The following PI4KA variants were observed in gnomAD, a reference collection of about 807,000 sequenced individuals.
PI4KA encodes the protein phosphatidylinositol 4-kinase alpha, also known as PI4-kinase alpha.
A neutral mutation model predicts 271.4 loss-of-function variants in PI4KA; 122 were observed. That is an observed-to-expected ratio of 0.45 (90% CI 0.39 to 0.52). PI4KA has a LOEUF of 0.52. Ranked by LOEUF, PI4KA falls within the 20% of genes least tolerant of loss-of-function variation. The pLI is 0.00. For synonymous variants in PI4KA, 1,041 were observed against 1,078.8 expected, an observed-to-expected ratio of 0.96 and a Z score of 0.69; for missense variants, 1,969 against 2,769.1, an observed-to-expected ratio of 0.71 and a Z score of 6.48.
In PI4KA at chr22:20,802,159, C is replaced by T. The variant is rs1314061446; in HGVS notation, c.1592-54G>A. On this transcript the variant is annotated intron_variant, in intron 13 of 54. Coordinates refer to ENST00000255882, the MANE Select transcript of PI4KA (RefSeq NM_058004.4). ...TAGTTAGGCCTATCATTTTCCATCA[C>T]CTTCTTTGTAATTCAAAAACCAAGA... The T allele has an allele frequency of 5.9e-6, 9 of 1,536,794 alleles. No homozygotes were observed. The East Asian group carries it at 1.8e-4, about 31-fold the overall frequency.
intron 19 of PI4KA, chr22:20,779,794 C>T (rs930125664): frequency 1.1e-5 from 18 of 1,614,068 alleles, no homozygotes; most frequent in African/African-American, 2.7e-5. Flanking sequence ...ATTTCTACTG[C>T]GATGGGTATG....
chr22:20,797,749 G>A (rs1935067620), intron 17 of PI4KA, among the ~76,000 whole-genome samples: 1 of 151,970 alleles, frequency 6.6e-6, no homozygotes, highest in South Asian at 2.1e-4. Flanking sequence ...ACATGGCATG[G>A]CTCCACAGCT....
At chr22:20,834,679 T>C (rs375637728) in intron 2 of PI4KA, 24 bp from the exon 3 acceptor site, 10 of 1,433,720 alleles carry the variant, frequency 7.0e-6, no homozygotes, top group East Asian at 4.6e-5. Context: ...AGAAGAATAA[T>C]AAATTAGATT....
rs1444716583 is a variant in PI4KA, at chr22:20,725,454, AG to A, written c.4995+1033del. 6 of 404,538 alleles carry A rather than the reference AG, an allele frequency of 1.5e-5. No individual in the cohort carries two copies. In the Admixed American group the frequency reaches 1.5e-4, roughly 10 times the overall value. The allele number at this position is 404,538 out of a possible 1,614,324, so 25.1% of individuals were successfully genotyped here. A position where few individuals can be genotyped will look rare whatever the true frequency, so the allele number is the denominator to read the frequency against. On this transcript the variant is annotated intron_variant, in intron 42 of 54. Transcript: ENST00000255882. Reference sequence around the variant, plus strand: ...TCAGAATGGTACTGTATTTGGAGATAGGGTCTTTATAGAGATGATTAAGGTA... The same window carrying A: ...TCAGAATGGTACTGTATTTGGAGATAGGTCTTTATAGAGATGATTAAGGTA...
chr22:20,753,089 A>G (rs767447101), intron 24 of PI4KA, 21 bp downstream of exon 24: 1 of 1,614,170 alleles, frequency 6.2e-7, no homozygotes, highest in Non-Finnish European at 8.5e-7. Context: ...ACAGACACGC[A>G]TTCATGCTGG....
chr22:20,848,656 C>G lies in PI4KA; in HGVS notation c.156+9914G>C, dbSNP rs182301185. ...ACATGCAAAAGAATGAAACTGGACC[C>G]CCATCTCATATCACATAAAATCTTA... On this transcript the variant is annotated intron_variant, in intron 1 of 54. Coordinates refer to ENST00000255882, the MANE Select transcript of PI4KA (RefSeq NM_058004.4). Among the ~76,000 whole-genome samples, 116 of 152,192 alleles carry G rather than the reference C, an allele frequency of 7.6e-4. 3 individuals are homozygous for G. Among genetic ancestry groups the G allele is most frequent in the South Asian group, 7.0e-3 (34 of 4,824 alleles).
rs377407870 is a variant in PI4KA, at chr22:20,709,949, C to T, written c.6132G>A (p.Thr2044=). 8 of 1,613,466 alleles carry T rather than the reference C, an allele frequency of 5.0e-6. No homozygotes were observed. The highest frequency in any genetic ancestry group is 2.7e-5 in the African/African-American group (2 of 74,860). The change falls in exon 53 of 55, where the codon ACG becomes ACA. Residue 2044 remains threonine, a synonymous_variant. Transcript: ENST00000255882. ...TCTGGCCGCGAAAACAGGGCAGGCCCGTGTCCAACATGAGAGTGACCAGGG... is the reference window on the plus strand; with the variant it reads ...TCTGGCCGCGAAAACAGGGCAGGCCTGTGTCCAACATGAGAGTGACCAGGG... ...VVSLVTLMLD[T]GLPCFRGQTI...
At chr22:20,858,236 T>G (rs1219254114) in intron 1 of PI4KA, among the ~76,000 whole-genome samples, 1 of 152,088 alleles carries the variant, frequency 6.6e-6, no homozygotes, top group Admixed American at 6.6e-5. Context: ...ATCCCACTGC[T>G]CCGCACAGCC....
chr22:20,846,835 CAA>C (rs361933), intron 1 of PI4KA, among the ~76,000 whole-genome samples: 1,199 of 61,692 alleles, frequency 0.019, 7 homozygotes, highest in Non-Finnish European at 0.022. Context: ...AGTGCAGGCT[CAA>C]AAAAAAAAAA....
intron 1 of PI4KA, among the ~76,000 whole-genome samples, chr22:20,842,473 C>T (rs1037483869): frequency 2.0e-5 from 3 of 152,146 alleles, no homozygotes; most frequent in African/African-American, 7.2e-5. Context: ...AAACTCAAAG[C>T]CTACTGGACT....
chr22:20,710,921 T>G lies in PI4KA; in HGVS notation c.5924-63A>C, dbSNP rs1925190861. 4 of 1,595,428 alleles carry G rather than the reference T, an allele frequency of 2.5e-6. No individual in the cohort carries two copies. The South Asian group carries it at 4.4e-5, about 18-fold the overall frequency. On this transcript the variant is annotated intron_variant, in intron 51 of 54. Transcript: ENST00000255882. ...AGCCAGGGCGGGCAAGGACAAGTGG[T>G]CTGTTTTGAGGAGTGGAAAAGGACT...
chr22:20,750,295 G>A (rs905863602), intron 27 of PI4KA, among the ~76,000 whole-genome samples: 4 of 152,188 alleles, frequency 2.6e-5, no homozygotes, highest in African/African-American at 9.7e-5. Context: ...GGAAGAACAC[G>A]TAAAGACACA....
At chr22:20,740,258 T>A (rs1319403396) in intron 32 of PI4KA, among the ~76,000 whole-genome samples, 1 of 151,072 alleles carries the variant, frequency 6.6e-6, no homozygotes, top group African/African-American at 2.4e-5. Context: ...TGAACTGGTA[T>A]ACAGGTTAAA....
intron 19 of PI4KA, among the ~76,000 whole-genome samples, chr22:20,776,979 ATATC>A (rs920508262): frequency 6.6e-5 from 10 of 152,136 alleles, no homozygotes; most frequent in African/African-American, 2.4e-4. Flanking sequence ...TGGGCCTCAA[ATATC>A]TATCTAATAG....
chr22:20,806,822 C>G (rs1179304349), intron 10 of PI4KA, among the ~76,000 whole-genome samples: 1 of 151,904 alleles, frequency 6.6e-6, no homozygotes, highest in African/African-American at 2.4e-5. Context: ...CCTCCGCCTC[C>G]CAAGTTCAAG....
Position 20,841,168 on chromosome 22 carries a change from T to TC in PI4KA, c.157-2438dup, listed in dbSNP as rs199812472. 1.8e-3 allele frequency among the ~76,000 whole-genome samples: 267 copies of TC among 152,254 alleles called. 4 individuals carry two copies. The East Asian group carries it at 0.045, about 25-fold the overall frequency. On this transcript the variant is annotated intron_variant, in intron 1 of 54. Transcript: ENST00000255882. ...GCGCTGAGATTACAGGCATGAGCCA[T>TC]CGCACCCTGCCACCAAGGCTTTCTT...
At chr22:20,768,857 G>A (rs1932755614) in intron 19 of PI4KA, among the ~76,000 whole-genome samples, 1 of 152,200 alleles carries the variant, frequency 6.6e-6, no homozygotes, top group South Asian at 2.1e-4. Flanking sequence ...CACAGGATGT[G>A]GCCACAAAAG....
rs1424258673 is a variant in PI4KA, at chr22:20,824,353, G to A, written c.429C>T (p.Ala143=). Residue 143 remains alanine, a synonymous_variant, in exon 4 of 55, where the codon GCC becomes GCT. Coordinates refer to ENST00000255882, the MANE Select transcript of PI4KA (RefSeq NM_058004.4). Reference sequence around the variant, plus strand: ...CATCCCTAAGTGAAGGATCCCTATAGGCCACATCAGACAGCAGAGTTACCA... The same window carrying A: ...CATCCCTAAGTGAAGGATCCCTATAAGCCACATCAGACAGCAGAGTTACCA... ...FCLVTLLSDV[A]YRDPSLRDEI... The A allele has an allele frequency of 3.7e-6, 6 of 1,613,186 alleles. No individual in the cohort carries two copies. Among genetic ancestry groups the A allele is most frequent in the Non-Finnish European group, 5.1e-6 (6 of 1,179,286 alleles).
intron 1 of PI4KA, among the ~76,000 whole-genome samples, chr22:20,843,914 T>C (rs1382473041): frequency 6.6e-6 from 1 of 152,018 alleles, no homozygotes; most frequent in Non-Finnish European, 1.5e-5. Context: ...CCGCTATGTA[T>C]CAATTCTCAT....
Sources: gnomAD v4.1 joint callset for allele counts (sites outside exome capture counted in the v4.1 genomes callset) on GRCh38, gnomAD v4.1.1 for gene constraint, MANE v1.5 for transcripts, NCBI Gene and HGNC (gene_info 2026-07-23, HGNC 2026-07-21) for gene names.